The following RRH variants were observed in gnomAD, a reference collection of about 807,000 sequenced individuals.
The protein encoded by RRH is retinal pigment epithelium-derived rhodopsin homolog.
In RRH, 36 loss-of-function variants were observed where a neutral mutation model predicts 33.1. That is an observed-to-expected ratio of 1.09 (90% CI 0.83 to 1.44). The LOEUF (loss-of-function observed/expected upper bound fraction) is 1.44, where lower values mean the gene tolerates loss of function less well. Among genes scored for constraint, RRH ranks in the 40% most tolerant of loss-of-function variants. The pLI is 0.00. For synonymous variants in RRH, 124 were observed against 140.2 expected (o/e 0.88, Z 0.82); for missense variants, 393 against 420.2 (o/e 0.94, Z 0.57).
intron 5 of RRH, 47 bp downstream of exon 5, chr4:109,837,652 C>A: frequency 6.7e-7 from 1 of 1,497,442 alleles, no homozygotes. Context: ...GAGCTTTTAC[C>A]CACTCATAGT....
intron 1 of RRH, 101 bp from the exon 2 acceptor site, chr4:109,833,038 G>T (rs1313733208): frequency 8.7e-6 from 8 of 919,764 alleles, no homozygotes; most frequent in Non-Finnish European, 1.2e-5. Context: ...AACTAAAATA[G>T]ATCTGTTATG....
At position 109,843,821 on chromosome 4, in the gene RRH, C is replaced by T. The variant is rs984902765; in HGVS notation, c.900-262C>T. On this transcript the variant is annotated intron_variant, in intron 6 of 6. Transcript: ENST00000317735. Reference sequence around the variant, plus strand: ...TGTAGAATCAACAGTGCAAAATTGACCTTTAACTGTACCATATACCTTATA... The same window carrying T: ...TGTAGAATCAACAGTGCAAAATTGATCTTTAACTGTACCATATACCTTATA... 2.6e-5 allele frequency among the ~76,000 whole-genome samples: 4 copies of T among 152,090 alleles called. No homozygotes were observed. The East Asian group carries it at 5.8e-4, about 22-fold the overall frequency.
At chr4:109,836,954 G>A (rs1173731141) in intron 4 of RRH, among the ~76,000 whole-genome samples, 1 of 150,948 alleles carries the variant, frequency 6.6e-6, no homozygotes, top group African/African-American at 2.5e-5. Flanking sequence ...TGGCTGTGGT[G>A]GTGTATGCCT....
chr4:109,843,527 C>T (rs1396634376), intron 6 of RRH, among the ~76,000 whole-genome samples: 1 of 152,158 alleles, frequency 6.6e-6, no homozygotes, highest in Non-Finnish European at 1.5e-5. Flanking sequence ...GTAATTTTAT[C>T]CTGGAATGGC....
Position 109,832,988 on chromosome 4 carries a change from C to T in RRH, c.107-151C>T, listed in dbSNP as rs1733790654. On this transcript the variant is annotated intron_variant, in intron 1 of 6. Transcript: ENST00000317735. The stretch of plus-strand genomic sequence containing the variant: ...TCACAGAAGGGATGTGAAGATGTCA[C>T]ATACAGTTTTAAGAACAGCAGGAGC... 7.4e-6 allele frequency: 5 copies of T among 674,246 alleles called. No individual in the cohort carries two copies. In the South Asian group the frequency reaches 8.8e-5, roughly 12 times the overall value. 41.8% of individuals were successfully genotyped at this position (674,246 alleles called of 1,614,324 possible). A position where few individuals can be genotyped will look rare whatever the true frequency, so the allele number is the denominator to read the frequency against.
At position 109,837,555 on chromosome 4, in the gene RRH, T is replaced by G; in HGVS notation, c.670T>G (p.Cys224Gly). Residue 224 changes from cysteine (C) to glycine (G), a missense_variant, in exon 5 of 7, where the codon TGC becomes GGC. Coordinates refer to ENST00000317735, the MANE Select transcript of RRH (RefSeq NM_006583.5). Reference protein sequence around the residue: ...LSIKHHTTSDCTESLNRDWSD... With the variant: ...LSIKHHTTSDGTESLNRDWSD... ...CATTAAACATCACACTACCAGTGACTGCACTGAGTCCCTCAACAGAGACTG... is the reference window on the plus strand; with the variant it reads ...CATTAAACATCACACTACCAGTGACGGCACTGAGTCCCTCAACAGAGACTG... 1 of 1,613,994 alleles carries G rather than the reference T, an allele frequency of 6.2e-7. No homozygotes were observed. Among genetic ancestry groups the G allele is most frequent in the Non-Finnish European group, 8.5e-7 (1 of 1,179,838 alleles).
chr4:109,840,923 A>G (rs1316370100), intron 5 of RRH, among the ~76,000 whole-genome samples: 1 of 152,082 alleles, frequency 6.6e-6, no homozygotes, highest in Non-Finnish European at 1.5e-5. Flanking sequence ...TATTACTATT[A>G]TGACCACCAT....
chr4:109,830,270 A>G (rs1012270040), intron 1 of RRH, among the ~76,000 whole-genome samples: 2 of 152,154 alleles, frequency 1.3e-5, no homozygotes, highest in Admixed American at 1.3e-4. Flanking sequence ...TGAGTACCAG[A>G]CAGTGATGAG....
intron 6 of RRH, among the ~76,000 whole-genome samples, chr4:109,842,935 G>T (rs1478013154): frequency 6.6e-6 from 1 of 152,136 alleles, no homozygotes; most frequent in Non-Finnish European, 1.5e-5. Context: ...TGGCAGAAAA[G>T]AGCCTGGGAT....
chr4:109,835,346 T>G lies in RRH; in HGVS notation c.298-20T>G, dbSNP rs757297723. 1.3e-6 allele frequency: 2 copies of G among 1,557,110 alleles called. No homozygotes were observed. Among genetic ancestry groups the G allele is most frequent in the Non-Finnish European group, 1.8e-6 (2 of 1,128,178 alleles). On this transcript the variant is annotated intron_variant, in intron 2 of 6. Coordinates refer to ENST00000317735, the MANE Select transcript of RRH (RefSeq NM_006583.5). Reference sequence around the variant, plus strand: ...GGAGGGTGTTTAGAATGGTAGAGTCTTTTCAATTTTGGTTTTCAGGTTTAT... The same window carrying G: ...GGAGGGTGTTTAGAATGGTAGAGTCGTTTCAATTTTGGTTTTCAGGTTTAT...
chr4:109,835,861 A>G, intron 3 of RRH, 146 bp from the exon 4 acceptor site: 1 of 840,534 alleles, frequency 1.2e-6, no homozygotes, highest in South Asian at 1.4e-5. Flanking sequence ...TACTTTTATT[A>G]GGTGTTGCAC....
intron 5 of RRH, among the ~76,000 whole-genome samples, chr4:109,839,088 T>G (rs1298964653): frequency 6.6e-6 from 1 of 151,442 alleles, no homozygotes; most frequent in Non-Finnish European, 1.5e-5. Flanking sequence ...TTTTTGTTTG[T>G]TTCTTTTGTG....
rs200619913 is a variant in RRH, at chr4:109,844,079, G to A, written c.900-4G>A. 4,798 of 1,602,524 alleles carry A rather than the reference G, an allele frequency of 3.0e-3. 10 individuals are homozygous for A. The highest frequency in any genetic ancestry group is 3.7e-3 in the Non-Finnish European group (4,372 of 1,169,832). On this transcript the variant is annotated splice_polypyrimidine_tract_variant and splice_region_variant and intron_variant, in intron 6 of 6. Transcript: ENST00000317735. ...AATGCCAGATTTTCCTTTTTTTATCGTAGGTTTCGGAGGGCAATGCTTGCC... is the reference window on the plus strand; with the variant it reads ...AATGCCAGATTTTCCTTTTTTTATCATAGGTTTCGGAGGGCAATGCTTGCC...
At chr4:109,833,791 G>A (rs533248415) in intron 2 of RRH, among the ~76,000 whole-genome samples, 79 of 152,238 alleles carry the variant, frequency 5.2e-4, no homozygotes, top group African/African-American at 1.9e-3. Flanking sequence ...AAGGAAATGA[G>A]TTAATATTAA....
Position 109,837,581 on chromosome 4 carries a change from G to T in RRH, c.696G>T (p.Trp232Cys), listed in dbSNP as rs750068956. The T allele has an allele frequency of 7.4e-6, 12 of 1,613,872 alleles. No individual in the cohort carries two copies. The highest frequency in any genetic ancestry group is 1.0e-5 in the Non-Finnish European group (12 of 1,179,918). The change falls in exon 5 of 7, where the codon TGG (tryptophan) becomes TGT (cysteine). Residue 232 changes from tryptophan (W) to cysteine (C), a missense_variant. Coordinates refer to ENST00000317735, the MANE Select transcript of RRH (RefSeq NM_006583.5). ...SDCTESLNRD[W>C]SDQIDVTKMS... ...GCACTGAGTCCCTCAACAGAGACTG[G>T]TCAGATCAGATAGATGTAACAAAGG... is the stretch of plus-strand genomic sequence containing the variant.
At chr4:109,836,891 CAAAA>C (rs56989659) in intron 4 of RRH, among the ~76,000 whole-genome samples, 8 of 84,402 alleles carry the variant, frequency 9.5e-5, no homozygotes, top group Admixed American at 4.1e-4. Flanking sequence ...CCTGTCTCTA[CAAAA>C]AAAAAAAAAA....
In RRH at chr4:109,842,540, T is replaced by C. The variant is rs772724911; in HGVS notation, c.792T>C (p.Ser264=). ...SPYSIVCLWA[S]FGDPKKIPPP... Reference sequence around the variant, plus strand: ...ATTCCATCGTGTGCTTATGGGCTTCTTTTGGTGACCCAAAGAAGATTCCTC... The same window carrying C: ...ATTCCATCGTGTGCTTATGGGCTTCCTTTGGTGACCCAAAGAAGATTCCTC... Residue 264 remains serine (S), a synonymous_variant, in exon 6 of 7, where the codon TCT becomes TCC. Coordinates refer to ENST00000317735, the MANE Select transcript of RRH (RefSeq NM_006583.5). The C allele has an allele frequency of 6.2e-7, 1 of 1,614,088 alleles. No individual in the cohort carries two copies. Among genetic ancestry groups the C allele is most frequent in the East Asian group, 2.2e-5 (1 of 44,880 alleles).
chr4:109,838,105 A>G lies in RRH; in HGVS notation c.720+500A>G, dbSNP rs376450508. On this transcript the variant is annotated intron_variant, in intron 5 of 6. Coordinates refer to ENST00000317735, the MANE Select transcript of RRH (RefSeq NM_006583.5). ...ACTTGCCTTCTTATTTCTGAATGATATGCTGTTTGCTCTTTTGGATATTTT... is the reference window on the plus strand; with the variant it reads ...ACTTGCCTTCTTATTTCTGAATGATGTGCTGTTTGCTCTTTTGGATATTTT... 6.6e-5 allele frequency among the ~76,000 whole-genome samples: 10 copies of G among 152,262 alleles called. No individual in the cohort carries two copies. The East Asian group carries it at 1.4e-3, about 21-fold the overall frequency.
intron 5 of RRH, among the ~76,000 whole-genome samples, chr4:109,840,731 T>C (rs925419136): frequency 6.6e-6 from 1 of 151,948 alleles, no homozygotes; most frequent in African/African-American, 2.4e-5. Context: ...TTCCCCTGAG[T>C]TCTTGCACTG....
Sources: allele counts gnomAD v4.1 joint callset (sites outside exome capture counted in the v4.1 genomes callset), GRCh38; gene constraint gnomAD v4.1.1; transcripts MANE v1.5; gene names NCBI Gene and HGNC (gene_info 2026-07-23, HGNC 2026-07-21).